TSC22D2: variants seen among roughly 807,000 people sequenced by gnomAD.
TSC22D2 encodes TSC22 domain family protein 2.
A neutral mutation model predicts 50.1 loss-of-function variants in TSC22D2; 5 were observed. The ratio of observed to expected loss-of-function variants is 0.10; its 90% CI spans 0.05 to 0.21. The LOEUF (loss-of-function observed/expected upper bound fraction) is 0.21, where lower values mean the gene tolerates loss of function less well. Among genes scored for constraint, TSC22D2 ranks in the 10% least tolerant of loss-of-function variants. The pLI is 1.00. For missense variants in TSC22D2, 1,003 were observed against 1,015.5 expected (o/e 0.99, Z 0.17); for synonymous variants, 501 against 450.1 (o/e 1.11, Z -1.43).
intron 1 of TSC22D2, among the ~76,000 whole-genome samples, chr3:150,426,497 T>A (rs1051316790): frequency 3.9e-5 from 6 of 152,156 alleles, no homozygotes; most frequent in Admixed American, 1.3e-4. Flanking sequence ...GCAAACAATT[T>A]TACCCTCTTC....
chr3:150,436,354 T>C (rs939560498), intron 1 of TSC22D2, among the ~76,000 whole-genome samples: 3 of 152,050 alleles, frequency 2.0e-5, no homozygotes, highest in Non-Finnish European at 2.9e-5. Context: ...GCAGGCCCTT[T>C]AACAAAGGGT....
intron 1 of TSC22D2, among the ~76,000 whole-genome samples, chr3:150,441,351 CTGATATT>C (rs1720712905): frequency 6.6e-6 from 1 of 152,118 alleles, no homozygotes; most frequent in Non-Finnish European, 1.5e-5. Context: ...TAATTTTGAA[CTGATATT>C]TGATATTTTG....
chr3:150,449,231 A>G (rs1720970255), intron 1 of TSC22D2, among the ~76,000 whole-genome samples: 2 of 151,596 alleles, frequency 1.3e-5, no homozygotes, highest in Non-Finnish European at 2.9e-5. Flanking sequence ...TCCCTTTCCT[A>G]TTTTCTGTCA....
At position 150,409,284 on chromosome 3, in the gene TSC22D2, C is replaced by T. The variant is rs1719400604; in HGVS notation, c.-67C>T. On this transcript the variant is annotated 5_prime_UTR_variant, in exon 1 of 3. Coordinates refer to ENST00000688009, the MANE Select transcript of TSC22D2 (RefSeq NM_001303264.2). The surrounding 1 kb of genome is among the most constrained non-coding windows in gnomAD (Gnocchi z 7.4). ...TTTGTCTTTGGGGGCCCGTGCTCTGCCCTCCCCGGTTTCCGACAGGACCCA... is the reference window on the plus strand; with the variant it reads ...TTTGTCTTTGGGGGCCCGTGCTCTGTCCTCCCCGGTTTCCGACAGGACCCA... 6.6e-7 allele frequency: 1 copy of T among 1,509,798 alleles called. No homozygotes were observed. Among genetic ancestry groups the T allele is most frequent in the Admixed American group, 2.1e-5 (1 of 48,292 alleles). The allele number at this position is 1,509,798 out of a possible 1,614,324, so 93.5% of individuals were successfully genotyped here. A position where few individuals can be genotyped will look rare whatever the true frequency, so the allele number is the denominator to read the frequency against.
intron 1 of TSC22D2, among the ~76,000 whole-genome samples, chr3:150,456,538 T>C (rs1419223001): frequency 2.0e-5 from 3 of 152,042 alleles, no homozygotes; most frequent in Admixed American, 2.0e-4. Flanking sequence ...TTCTGAACCA[T>C]TTTTAGAAGC....
At chr3:150,440,353 G>A (rs1387833852) in intron 1 of TSC22D2, among the ~76,000 whole-genome samples, 3 of 152,202 alleles carry the variant, frequency 2.0e-5, no homozygotes, top group East Asian at 3.9e-4. Flanking sequence ...AAAAATAAAT[G>A]TTGGAGGTTG....
In TSC22D2 at chr3:150,411,307, A is replaced by G. The variant is rs761192142; in HGVS notation, c.1957A>G (p.Ser653Gly). Residue 653 changes from serine (S) to glycine (G), a missense_variant and splice_region_variant, in exon 1 of 3, where the codon AGT becomes GGT. Transcript: ENST00000688009. ...IAIPVDGDED[S>G]ASGGGVVAID... is the part of the protein sequence containing the mutation. ...TATTCCTGTTGATGGTGATGAAGAC[A>G]GGTATGGAAATCTCTATTTTAAATA... 1 of 1,593,148 alleles carries G rather than the reference A, an allele frequency of 6.3e-7. No individual in the cohort carries two copies. Among genetic ancestry groups the G allele is most frequent in the East Asian group, 2.2e-5 (1 of 44,520 alleles).
Position 150,459,572 on chromosome 3 carries a change from G to GTTTTTTTTTTTTTGT in TSC22D2, c.*937_*951dup. 8.7e-6 allele frequency: 1 copy of GTTTTTTTTTTTTTGT among 115,564 alleles called. No homozygotes were observed. Among genetic ancestry groups the GTTTTTTTTTTTTTGT allele is most frequent in the Non-Finnish European group, 1.8e-5 (1 of 55,822 alleles). 7.2% of individuals were successfully genotyped at this position (115,564 alleles called of 1,614,324 possible). A position where few individuals can be genotyped will look rare whatever the true frequency, so the allele number is the denominator to read the frequency against. On this transcript the variant is annotated 3_prime_UTR_variant, in exon 3 of 3. Transcript: ENST00000688009. ...TAATGGAGTTTGGTTTTTTTTTGTT[G>GTTTTTTTTTTTTTGT]TTTTTTTTTTTTTGTCTTTTTTTTT...
At chr3:150,458,225 A>G (rs1268252353) in intron 2 of TSC22D2, 151 bp from the exon 3 acceptor site, 1 of 798,296 alleles carries the variant, frequency 1.3e-6, no homozygotes, top group Non-Finnish European at 1.9e-6. Flanking sequence ...TTTCCAACCC[A>G]TCTTCCATAG....
At chr3:150,445,038 CTT>C (rs933488534) in intron 1 of TSC22D2, among the ~76,000 whole-genome samples, 1 of 151,888 alleles carries the variant, frequency 6.6e-6, no homozygotes, top group Non-Finnish European at 1.5e-5. Flanking sequence ...TTTAAATACT[CTT>C]TTTGGAAATT....
intron 1 of TSC22D2, among the ~76,000 whole-genome samples, chr3:150,443,692 A>T (rs1720789064): frequency 6.6e-6 from 1 of 152,208 alleles, no homozygotes; most frequent in Non-Finnish European, 1.5e-5. Context: ...GACCAAAAGC[A>T]TTTAGGATTT....
chr3:150,430,486 C>T (rs569987828), intron 1 of TSC22D2, among the ~76,000 whole-genome samples: 1 of 152,222 alleles, frequency 6.6e-6, no homozygotes, highest in South Asian at 2.1e-4. Context: ...AAGTGCCAAA[C>T]CTAATTGACT....
At chr3:150,450,425 T>C (rs1414629061) in intron 1 of TSC22D2, among the ~76,000 whole-genome samples, 1 of 152,104 alleles carries the variant, frequency 6.6e-6, no homozygotes, top group Non-Finnish European at 1.5e-5. Context: ...TTTGTGTTAC[T>C]GCTAATAATA....
At chr3:150,439,186 A>G (rs987470349) in intron 1 of TSC22D2, among the ~76,000 whole-genome samples, 6 of 152,184 alleles carry the variant, frequency 3.9e-5, no homozygotes, top group African/African-American at 1.4e-4. Flanking sequence ...CATATCCTGC[A>G]TGTCAGTCAA....
intron 1 of TSC22D2, among the ~76,000 whole-genome samples, chr3:150,437,885 C>G (rs917822025): frequency 4.6e-5 from 7 of 151,886 alleles, no homozygotes; most frequent in Non-Finnish European, 1.0e-4. Context: ...CAATATAACT[C>G]AAATGCCTTT....
chr3:150,438,199 AT>A, intron 1 of TSC22D2: 60 of 419,000 alleles, frequency 1.4e-4, no homozygotes, highest in South Asian at 2.6e-4. Flanking sequence ...CTTTGCTAGA[AT>A]TTTTTTTAGA....
At chr3:150,411,930 A>C (rs1719589534) in intron 1 of TSC22D2, among the ~76,000 whole-genome samples, 1 of 152,210 alleles carries the variant, frequency 6.6e-6, no homozygotes, top group African/African-American at 2.4e-5. Flanking sequence ...GTTGTTAAGC[A>C]AAAAATGTAC....
At chr3:150,440,811 A>G (rs1027241673) in intron 1 of TSC22D2, among the ~76,000 whole-genome samples, 4 of 151,926 alleles carry the variant, frequency 2.6e-5, no homozygotes, top group African/African-American at 4.8e-5. Flanking sequence ...TTACTCTCCA[A>G]TGAGCTCCAC....
chr3:150,409,656 C>T lies in TSC22D2; in HGVS notation c.306C>T (p.Ala102=), dbSNP rs764023111. The change falls in exon 1 of 3, where the codon GCC becomes GCT. Residue 102 remains alanine (A), a synonymous_variant. Coordinates refer to ENST00000688009, the MANE Select transcript of TSC22D2 (RefSeq NM_001303264.2). This position sits in a 1 kb window ranked among gnomAD's most constrained non-coding sequence, Gnocchi z 7.4. ...TGGCAGCGGCGGCTGCTGCTCCCGC[C>T]AACGGAGGAGGAGTCGTTTCGGCCC... The part of the protein sequence containing the change: ...GQLAAAAAAP[A]NGGGVVSARS... 3 of 1,604,228 alleles carry T rather than the reference C, an allele frequency of 1.9e-6. No individual in the cohort carries two copies. The highest frequency in any genetic ancestry group is 2.6e-6 in the Non-Finnish European group (3 of 1,175,410).
Sources: gnomAD v4.1 joint callset for allele counts (sites outside exome capture counted in the v4.1 genomes callset) on GRCh38, gnomAD v4.1.1 for gene constraint, Gnocchi (gnomAD v3.1) non-coding constraint, MANE v1.5 for transcripts, NCBI Gene and HGNC (gene_info 2026-07-23, HGNC 2026-07-21) for gene names.